The following TMEM255A variants were observed in gnomAD, a reference collection of about 807,000 sequenced individuals.
The protein encoded by TMEM255A is transmembrane protein 255A.
In TMEM255A, 14 loss-of-function variants were observed where a neutral mutation model predicts 23.5. The observed-to-expected ratio is 0.60, with a 90% CI of 0.39 to 0.93. The LOEUF (loss-of-function observed/expected upper bound fraction) is 0.93. Among genes scored for constraint, TMEM255A ranks in the 40% least tolerant of loss-of-function variants. TMEM255A has a pLI of 0.00. For synonymous variants in TMEM255A, 104 were observed against 100.3 expected, an observed-to-expected ratio of 1.04 and a Z score of -0.22; for missense variants, 233 against 261.7, an observed-to-expected ratio of 0.89 and a Z score of 0.76.
chrX:120,274,892 A>G (rs782266196), intron 7 of TMEM255A, among the ~76,000 whole-genome samples: 7 of 111,665 alleles, frequency 6.3e-5, no homozygotes, highest in South Asian at 3.8e-4. Flanking sequence ...CCATTTGTGC[A>G]TCAAGGTATC....
chrX:120,284,472 G>T (rs782060047), intron 6 of TMEM255A, among the ~76,000 whole-genome samples: 62 of 110,129 alleles, frequency 5.6e-4, no homozygotes, highest in Non-Finnish European at 9.1e-4. Context: ...AATGTCACCT[G>T]CTCAAAGAGG....
At chrX:120,295,896 C>T (rs1291111035) in intron 2 of TMEM255A, among the ~76,000 whole-genome samples, 1 of 112,050 alleles carries the variant, frequency 8.9e-6, no homozygotes, top group African/African-American at 3.2e-5. Context: ...ATTTTTACAG[C>T]CATTTAACTT....
chrX:120,294,803 T>C (rs1483763065), intron 2 of TMEM255A, among the ~76,000 whole-genome samples: 2 of 112,424 alleles, frequency 1.8e-5, no homozygotes, highest in Non-Finnish European at 1.9e-5. Context: ...GCATCTGGCA[T>C]ACCAATCCAA....
At position 120,259,296 on chromosome X, in the gene TMEM255A, T is replaced by C. The variant is rs1268607177; in HGVS notation, c.*1574A>G. On this transcript the variant is annotated 3_prime_UTR_variant, in exon 9 of 9. Coordinates refer to ENST00000371369, the MANE Select transcript of TMEM255A (RefSeq NM_001104544.3). ...AATTTTGTATAACATAAAAGGATTA[T>C]AGTTTTTCGGATTCAAAATCTGGAT... The C allele has an allele frequency of 8.8e-6, 1 of 113,019 alleles. No individual in the cohort carries two copies. The highest frequency in any genetic ancestry group is 1.9e-5 in the Non-Finnish European group (1 of 53,320). The allele number at this position is 113,019 out of a possible 1,213,427, so 9.3% of individuals were successfully genotyped here. A position where few individuals can be genotyped will look rare whatever the true frequency, so the allele number is the denominator to read the frequency against.
At chrX:120,303,612 C>T (rs1394027952) in intron 2 of TMEM255A, among the ~76,000 whole-genome samples, 2 of 108,223 alleles carry the variant, frequency 1.8e-5, no homozygotes, top group Non-Finnish European at 3.8e-5. Flanking sequence ...AAACATGACT[C>T]CAATGACAGT....
intron 7 of TMEM255A, among the ~76,000 whole-genome samples, chrX:120,271,603 T>A (rs1442088646): frequency 9.0e-6 from 1 of 110,929 alleles, no homozygotes; most frequent in African/African-American, 3.3e-5. Context: ...ACAAGGTTGC[T>A]AGGATCATAA....
intron 1 of TMEM255A, among the ~76,000 whole-genome samples, chrX:120,307,277 G>T (rs1391254101): frequency 3.6e-5 from 4 of 111,874 alleles, no homozygotes; most frequent in African/African-American, 1.3e-4. Flanking sequence ...CTCCTAAAAG[G>T]CAGTTTATTG....
intron 7 of TMEM255A, among the ~76,000 whole-genome samples, chrX:120,268,822 T>C (rs1239811401): frequency 8.9e-6 from 1 of 111,823 alleles, no homozygotes; most frequent in East Asian, 2.8e-4. Flanking sequence ...AATTTAAACC[T>C]ATAGAAAAGT....
Position 120,268,272 on chromosome X carries a change from A to G in TMEM255A, c.791T>C (p.Leu264Pro). 6 of 1,209,620 alleles carry G rather than the reference A, an allele frequency of 5.0e-6. No individual in the cohort carries two copies. Among genetic ancestry groups the G allele is most frequent in the Non-Finnish European group, 6.7e-6 (6 of 894,324 alleles). ...YNTYYHSPPH[L>P]PPYSAYDFQH... is the part of the protein sequence containing the mutation. Reference sequence around the variant, plus strand: ...AAAGTCATAAGCAGAATATGGTGGCAGGTGAGGAGGGCTATGGTAGTAGGT... The same window carrying G: ...AAAGTCATAAGCAGAATATGGTGGCGGGTGAGGAGGGCTATGGTAGTAGGT... The change falls in exon 8 of 9, where the codon CTG becomes CCG. Residue 264 changes from leucine (L) to proline (P), a missense_variant. By Grantham distance (98) the Leu-to-Pro change is moderately conservative. Transcript: ENST00000371369.
At chrX:120,256,322 G>A, downstream of TMEM255A, 1 of 122,896 alleles carries the variant, frequency 8.1e-6, no homozygotes. Flanking sequence ...GCCACCAAAT[G>A]TATCTTTATG....
Position 120,260,923 on chromosome X carries a change from A to AACG in TMEM255A, c.922_924dup (p.Arg308dup). Reference sequence around the variant, plus strand: ...AAAGGTGGATAGTAGGGTGGAGAGTAACGGGGCGGTGCACTTGAGGACCAC... The same window carrying AACG: ...AAAGGTGGATAGTAGGGTGGAGAGTAACGACGGGGCGGTGCACTTGAGGACCAC... On this transcript the variant is annotated inframe_insertion, in exon 9 of 9. Transcript: ENST00000371369. 1 of 1,201,032 alleles carries AACG rather than the reference A, an allele frequency of 8.3e-7. No individual in the cohort carries two copies. The highest frequency in any genetic ancestry group is 1.1e-6 in the Non-Finnish European group (1 of 891,886).
chrX:120,298,801 T>C (rs1556025366), intron 2 of TMEM255A, among the ~76,000 whole-genome samples: 1 of 110,122 alleles, frequency 9.1e-6, no homozygotes, highest in African/African-American at 3.3e-5. Flanking sequence ...AGTTCAAAGA[T>C]GTAGACACCA....
At chrX:120,284,536 GCA>G (rs199505538) in intron 6 of TMEM255A, among the ~76,000 whole-genome samples, 21 of 104,494 alleles carry the variant, frequency 2.0e-4, no homozygotes, top group South Asian at 4.3e-4. Context: ...GCACGTGCAC[GCA>G]CACACACACA....
At chrX:120,290,368 C>T (rs1402694360) in intron 4 of TMEM255A, among the ~76,000 whole-genome samples, 1 of 111,642 alleles carries the variant, frequency 9.0e-6, no homozygotes, top group Non-Finnish European at 1.9e-5. Flanking sequence ...ATAATAATGC[C>T]TGCCCTATAT....
intron 1 of TMEM255A, among the ~76,000 whole-genome samples, chrX:120,306,516 T>C (rs1314085496): frequency 9.0e-6 from 1 of 111,617 alleles, no homozygotes; most frequent in Non-Finnish European, 1.9e-5. Context: ...CCTTCTCTTT[T>C]GTCACTCACA....
intron 6 of TMEM255A, among the ~76,000 whole-genome samples, chrX:120,284,496 CTCTA>C (rs1321954076): frequency 9.1e-6 from 1 of 110,023 alleles, no homozygotes; most frequent in Non-Finnish European, 1.9e-5. Context: ...TCCCTGGCTA[CTCTA>C]TCTAACATAC....
At chrX:120,303,996 C>T (rs190845181) in intron 2 of TMEM255A, among the ~76,000 whole-genome samples, 2 of 111,211 alleles carry the variant, frequency 1.8e-5, no homozygotes, top group East Asian at 5.6e-4. Flanking sequence ...CAGGTGAGAT[C>T]AGATGACCTC....
intron 4 of TMEM255A, 60 bp from the exon 5 acceptor site, chrX:120,287,282 T>C: frequency 1.2e-6 from 1 of 819,352 alleles, no homozygotes; most frequent in Non-Finnish European, 1.8e-6. Flanking sequence ...ACAGCAAGTG[T>C]TGTACTTGGT....
At chrX:120,255,008 T>A, downstream of TMEM255A, 1 of 1,211,960 alleles carries the variant, frequency 8.3e-7, no homozygotes, top group Non-Finnish European at 1.1e-6. Flanking sequence ...AGAAGGTATT[T>A]CCTCTTGCAG....
Sources: allele counts gnomAD v4.1 joint callset (sites outside exome capture counted in the v4.1 genomes callset), GRCh38; gene constraint gnomAD v4.1.1; transcripts MANE v1.5; gene names NCBI Gene and HGNC (gene_info 2026-07-23, HGNC 2026-07-21).